Variants in ZSCAN32 observed in about 807,000 individuals in gnomAD.
ZSCAN32 encodes zinc finger and SCAN domain containing 32.
A neutral mutation model predicts 47.4 loss-of-function variants in ZSCAN32; 52 were observed. The ratio of observed to expected loss-of-function variants is 1.10; its 90% confidence interval spans 0.88 to 1.38. The LOEUF is 1.38. Among genes scored for constraint, ZSCAN32 ranks in the 40% most tolerant of loss-of-function variants. The pLI is 0.00. For synonymous variants in ZSCAN32, 346 were observed against 305.7 expected, an observed-to-expected ratio of 1.13 and a Z score of -1.38; for missense variants, 959 against 846.0, an observed-to-expected ratio of 1.13 and a Z score of -1.66.
rs1344565605 is a variant in ZSCAN32, at chr16:3,392,852, T to A, written c.532+797A>T. 2.0e-5 allele frequency among the ~76,000 whole-genome samples: 3 copies of A among 151,242 alleles called. No homozygotes were observed. The East Asian group carries it at 5.8e-4, about 29-fold the overall frequency. ...AAAAACAAAGAAACAAAAAAAGTTT[T>A]CTAAAAAAATTAAGACAAGTAAAAA... On this transcript the variant is annotated intron_variant, in intron 3 of 6. Coordinates refer to ENST00000396852, the MANE Select transcript of ZSCAN32 (RefSeq NM_001284527.2).
At position 3,397,734 on chromosome 16, in the gene ZSCAN32, T is replaced by C; in HGVS notation, c.-177A>G. 1 of 714,058 alleles carries C rather than the reference T, an allele frequency of 1.4e-6. No individual in the cohort carries two copies. Among genetic ancestry groups the C allele is most frequent in the African/African-American group, 1.8e-5 (1 of 56,132 alleles). The allele number at this position is 714,058 out of a possible 1,614,324, so 44.2% of individuals were successfully genotyped here. A position where few individuals can be genotyped will look rare whatever the true frequency, so the allele number is the denominator to read the frequency against. ...CACAGCGGAAAAAAAGGGCTCAACT[T>C]TGAAGGATGTCTGAAGAGGATGGAA... On this transcript the variant is annotated 5_prime_UTR_variant, in exon 2 of 7. Coordinates refer to ENST00000396852, the MANE Select transcript of ZSCAN32 (RefSeq NM_001284527.2).
chr16:3,400,179 C>T (rs1411094805), intron 1 of ZSCAN32, among the ~76,000 whole-genome samples: 2 of 152,098 alleles, frequency 1.3e-5, no homozygotes, highest in African/African-American at 4.8e-5. Flanking sequence ...ACTTGAACTG[C>T]CTTCACTTAA....
chr16:3,397,637 G>A lies in ZSCAN32; in HGVS notation c.-80C>T, dbSNP rs2033502582. The A allele has an allele frequency of 2.0e-5, 28 of 1,420,506 alleles. No homozygotes were observed. The highest frequency in any genetic ancestry group is 2.6e-5 in the Non-Finnish European group (28 of 1,076,392). The allele number at this position is 1,420,506 out of a possible 1,614,324, so 88.0% of individuals were successfully genotyped here. A position where few individuals can be genotyped will look rare whatever the true frequency, so the allele number is the denominator to read the frequency against. ...TCCATCTTTCCCACATCACTGGGAA[G>A]CCATGTTCTCCTGCAAGGAATGTCT... On this transcript the variant is annotated 5_prime_UTR_variant, in exon 2 of 7. Transcript: ENST00000396852.
At chr16:3,396,002 TAAATA>T (rs918805870) in intron 2 of ZSCAN32, among the ~76,000 whole-genome samples, 5 of 151,916 alleles carry the variant, frequency 3.3e-5, no homozygotes, top group Non-Finnish European at 7.4e-5. Flanking sequence ...TTTCAAAAAA[TAAATA>T]AATAAAATAA....
At position 3,382,718 on chromosome 16, in the gene ZSCAN32, C is replaced by T; in HGVS notation, c.*134G>A. 1 of 1,411,314 alleles carries T rather than the reference C, an allele frequency of 7.1e-7. No homozygotes were observed. The highest frequency in any genetic ancestry group is 9.4e-7 in the Non-Finnish European group (1 of 1,063,456). The allele number at this position is 1,411,314 out of a possible 1,614,324, so 87.4% of individuals were successfully genotyped here. On this transcript the variant is annotated 3_prime_UTR_variant, in exon 7 of 7. Transcript: ENST00000396852. ...CAGCGTCCTTATGCTGACTCCTGGT[C>T]CTAGACATGGGTCTTAAGATCCAGT...
chr16:3,391,429 G>A (rs1214527381), intron 3 of ZSCAN32, among the ~76,000 whole-genome samples: 1 of 152,184 alleles, frequency 6.6e-6, no homozygotes, highest in Non-Finnish European at 1.5e-5. Context: ...TGTAATCCCA[G>A]CACTTTGGGA....
intron 2 of ZSCAN32, among the ~76,000 whole-genome samples, chr16:3,396,966 A>T (rs139256413): frequency 3.4e-4 from 51 of 152,236 alleles, no homozygotes; most frequent in African/African-American, 1.2e-3. Context: ...TACCACCTTA[A>T]TTAGGGACTT....
In ZSCAN32 at chr16:3,382,884, G is replaced by C. The variant is rs556687010; in HGVS notation, c.2062C>G (p.Leu688Val). 10 of 1,584,754 alleles carry C rather than the reference G, an allele frequency of 6.3e-6. No homozygotes were observed. The South Asian group carries it at 6.8e-5, about 11-fold the overall frequency. The change falls in exon 7 of 7, where the codon CTC becomes GTC. Residue 688 changes from leucine (L) to valine (V), a missense_variant. By Grantham distance (32) the Leu-to-Val change is conservative. Transcript: ENST00000396852. ...GCATCTCTTCCTTCCTGTGATGAGA[G>C]TACTGCTTTCATGTGTACTGTCTGA... ...RHQTVHMKAVLSSQEGRDAL is the reference protein window; with the variant it reads ...RHQTVHMKAVVSSQEGRDAL
rs1201237048 is a variant in ZSCAN32 at position 3,397,571 on chromosome 16, C to G, written c.-14G>C. On this transcript the variant is annotated 5_prime_UTR_variant, in exon 2 of 7. Coordinates refer to ENST00000396852, the MANE Select transcript of ZSCAN32 (RefSeq NM_001284527.2). The stretch of plus-strand genomic sequence containing the variant: ...TGCAGCCATCATTTGCTTCAACGAA[C>G]TGGCTTACTCTGGTTGCCACTTCTA... The G allele has an allele frequency of 4.7e-6, 7 of 1,505,302 alleles. No individual in the cohort carries two copies. The highest frequency in any genetic ancestry group is 1.7e-4 in the Middle Eastern group (1 of 5,800). The allele number at this position is 1,505,302 out of a possible 1,614,324, so 93.2% of individuals were successfully genotyped here. A position where few individuals can be genotyped will look rare whatever the true frequency, so the allele number is the denominator to read the frequency against.
At chr16:3,391,621 G>A (rs1328742651) in intron 3 of ZSCAN32, among the ~76,000 whole-genome samples, 2 of 150,254 alleles carry the variant, frequency 1.3e-5, no homozygotes, top group Non-Finnish European at 3.0e-5. Context: ...AGAGGTTGCA[G>A]TGAGCCAACA....
intron 1 of ZSCAN32, among the ~76,000 whole-genome samples, chr16:3,400,309 A>G (rs577191383): frequency 1.3e-5 from 2 of 152,272 alleles, no homozygotes; most frequent in Admixed American, 6.5e-5. Flanking sequence ...AAAGCATCAC[A>G]CAGCACAGCT....
At position 3,383,376 on chromosome 16, in the gene ZSCAN32, G is replaced by A. The variant is rs1567300005; in HGVS notation, c.1570C>T (p.Pro524Ser). 1 of 1,614,196 alleles carries A rather than the reference G, an allele frequency of 6.2e-7. No homozygotes were observed. Among genetic ancestry groups the A allele is most frequent in the Non-Finnish European group, 8.5e-7 (1 of 1,180,038 alleles). Residue 524 changes from proline to serine, a missense_variant, in exon 7 of 7, where the codon CCT becomes TCT. Coordinates refer to ENST00000396852, the MANE Select transcript of ZSCAN32 (RefSeq NM_001284527.2). ...CGGCTAAAGGTTTTCCCACATTCAG[G>A]ACATTGAGATACTTTTTCCAGTTTG... is the stretch of plus-strand genomic sequence containing the variant. ...ALKLEKVSQC[P>S]ECGKTFSRSS... is the part of the protein sequence containing the mutation.
At chr16:3,384,125 A>T in intron 6 of ZSCAN32, 1 of 518,952 alleles carries the variant, frequency 1.9e-6, no homozygotes, top group East Asian at 3.2e-5. Flanking sequence ...CAGCCAGCAT[A>T]GGCTCAGGCT....
chr16:3,396,692 C>T lies in ZSCAN32; in HGVS notation c.366+500G>A, dbSNP rs536782973. Among the ~76,000 whole-genome samples, 3 of 152,334 alleles carry T rather than the reference C, an allele frequency of 2.0e-5. No individual in the cohort carries two copies. In the South Asian group the frequency reaches 6.2e-4, roughly 32 times the overall value. On this transcript the variant is annotated intron_variant, in intron 2 of 6. Transcript: ENST00000396852. ...CTGGTTACACCAATCAGATCTCAGA[C>T]CTAGTCCTGACCGTAAGAGGATATT...
At chr16:3,390,348 A>G in intron 4 of ZSCAN32, 75 bp downstream of exon 4, 2 of 1,417,534 alleles carry the variant, frequency 1.4e-6, no homozygotes. Context: ...AATCTTTCTC[A>G]TGTCTCTGGA....
chr16:3,389,610 T>C (rs2032427058), intron 5 of ZSCAN32, among the ~76,000 whole-genome samples: 1 of 152,126 alleles, frequency 6.6e-6, no homozygotes, highest in Non-Finnish European at 1.5e-5. Context: ...TGGGTGGTTT[T>C]ATTTGTTAAT....
At chr16:3,383,886 A>G (rs957196895) in intron 6 of ZSCAN32, 175 bp from the exon 7 acceptor site, 1 of 779,314 alleles carries the variant, frequency 1.3e-6, no homozygotes, top group Non-Finnish European at 1.9e-6. Context: ...TTGAGCTCCA[A>G]ATTATTACAG....
Position 3,397,413 on chromosome 16 carries a change from T to C in ZSCAN32, c.145A>G (p.Thr49Ala). 6.4e-7 allele frequency: 1 copy of C among 1,552,478 alleles called. No homozygotes were observed. The highest frequency in any genetic ancestry group is 2.4e-5 in the East Asian group (1 of 41,086). Residue 49 changes from threonine (T) to alanine (A), a missense_variant, in exon 2 of 7, where the codon ACT becomes GCT. Physicochemically the swap from Thr to Ala is moderately conservative, Grantham distance 58. Transcript: ENST00000396852. ...TTGCTAAAAGCTTCATGTGGGCCAG[T>C]TACCTCCTGGTAGCAAAACTGCCTG... is the stretch of plus-strand genomic sequence containing the variant. Reference protein sequence around the residue: ...RFRQFCYQEVTGPHEAFSKLW... With the variant: ...RFRQFCYQEVAGPHEAFSKLW...
intron 3 of ZSCAN32, 123 bp downstream of exon 3, chr16:3,393,526 G>T: frequency 1.0e-6 from 1 of 1,003,968 alleles, no homozygotes; most frequent in Non-Finnish European, 1.4e-6. Flanking sequence ...CGCCCTGCCG[G>T]TTTTTGGATG....
Sources: allele counts gnomAD v4.1 joint callset (sites outside exome capture counted in the v4.1 genomes callset), GRCh38; gene constraint gnomAD v4.1.1; transcripts MANE v1.5; gene names NCBI Gene and HGNC (gene_info 2026-07-23, HGNC 2026-07-21).